The following ATP1A2 variants were observed in gnomAD, a reference collection of about 807,000 sequenced individuals.
ATP1A2 encodes the protein ATPase Na+/K+ transporting subunit alpha 2.
Under a neutral mutation model 113.1 loss-of-function variants are expected in ATP1A2, and 56 were observed. The ratio of observed to expected loss-of-function variants is 0.49; its 90% confidence interval spans 0.40 to 0.62. The LOEUF (loss-of-function observed/expected upper bound fraction) is 0.62. Among genes scored for constraint, ATP1A2 ranks in the 20% least tolerant of loss-of-function variants. ATP1A2 has a pLI of 0.00. For missense variants in ATP1A2, 712 were observed against 1,357.8 expected, an observed-to-expected ratio of 0.52 and a Z score of 7.47; for synonymous variants, 490 against 526.8, an observed-to-expected ratio of 0.93 and a Z score of 0.96.
rs763511474 is a variant in ATP1A2 at position 160,143,068 on chromosome 1, G to A, written c.*1746G>A. ...AGAGACCTAGATAGGTCATGCAAGT[G>A]AGAAAGACATCTGAGGAAAATGGAA... On this transcript the variant is annotated 3_prime_UTR_variant, in exon 23 of 23. Coordinates refer to ENST00000361216, the MANE Select transcript of ATP1A2 (RefSeq NM_000702.4). The A allele has an allele frequency of 6.6e-6, 1 of 152,274 alleles. No individual in the cohort carries two copies. Among genetic ancestry groups the A allele is most frequent in the Non-Finnish European group, 1.5e-5 (1 of 68,078 alleles). The allele number at this position is 152,274 out of a possible 1,614,324, so 9.4% of individuals were successfully genotyped here.
chr1:160,124,396 C>T lies in ATP1A2; in HGVS notation c.596C>T (p.Ala199Val), dbSNP rs1276000993. Residue 199 changes from alanine (A) to valine (V), a missense_variant, in exon 6 of 23, where the codon GCT becomes GTT. Coordinates refer to ENST00000361216, the MANE Select transcript of ATP1A2 (RefSeq NM_000702.4). Reference protein sequence around the residue: ...VEVKGGDRVPADLRIISSHGC... With the variant: ...VEVKGGDRVPVDLRIISSHGC... ...GTGAAGGGTGGAGACCGCGTCCCTGCTGACCTCCGGATCATCTCTTCTCAT... is the reference window on the plus strand; with the variant it reads ...GTGAAGGGTGGAGACCGCGTCCCTGTTGACCTCCGGATCATCTCTTCTCAT... 6.2e-7 allele frequency: 1 copy of T among 1,611,898 alleles called. No homozygotes were observed. Among genetic ancestry groups the T allele is most frequent in the South Asian group, 1.1e-5 (1 of 90,562 alleles).
intron 22 of ATP1A2, 149 bp from the exon 23 acceptor site, chr1:160,141,145 C>G: frequency 1.1e-6 from 1 of 919,408 alleles, no homozygotes; most frequent in Non-Finnish European, 1.7e-6. Flanking sequence ...TGCACCCAGC[C>G]TCCTTCCACC....
In ATP1A2 at chr1:160,135,589, G is replaced by C. The variant is rs202094576; in HGVS notation, c.2271G>C (p.Thr757=). 6.2e-7 allele frequency: 1 copy of C among 1,613,950 alleles called. No individual in the cohort carries two copies. The highest frequency in any genetic ancestry group is 8.5e-7 in the Non-Finnish European group (1 of 1,179,982). Residue 757 remains threonine, a synonymous_variant, in exon 16 of 23, where the codon ACG becomes ACC. Coordinates refer to ENST00000361216, the MANE Select transcript of ATP1A2 (RefSeq NM_000702.4). This position sits in a 1 kb window ranked among gnomAD's most constrained non-coding sequence, Gnocchi z 6.3. ...ATGACAACTTTGCCTCCATCGTCAC[G>C]GGGGTGGAGGAGGGTGAGGAGGCTG... is the stretch of plus-strand genomic sequence containing the variant. ...LLDDNFASIV[T]GVEEGRLIFD... is the part of the protein sequence containing the mutation.
chr1:160,138,793 A>G (rs1330960430), intron 20 of ATP1A2, among the ~76,000 whole-genome samples: 1 of 152,046 alleles, frequency 6.6e-6, no homozygotes, highest in East Asian at 1.9e-4. Flanking sequence ...GTGAGCTGTG[A>G]TCGTCCAGCC....
intron 3 of ATP1A2, among the ~76,000 whole-genome samples, chr1:160,121,592 A>G (rs1423717709): frequency 6.6e-6 from 1 of 152,236 alleles, no homozygotes; most frequent in Non-Finnish European, 1.5e-5. Flanking sequence ...GCTGATGCAC[A>G]TGGGCTGACA....
chr1:160,141,476 T>G lies in ATP1A2; in HGVS notation c.*154T>G. 4.2e-6 allele frequency: 4 copies of G among 956,648 alleles called. No individual in the cohort carries two copies. Among genetic ancestry groups the G allele is most frequent in the Non-Finnish European group, 6.6e-6 (4 of 605,578 alleles). The allele number at this position is 956,648 out of a possible 1,614,324, so 59.3% of individuals were successfully genotyped here. On this transcript the variant is annotated 3_prime_UTR_variant, in exon 23 of 23. Transcript: ENST00000361216. ...ACTCAGCAGGCTAAGTTGCGGGGTA[T>G]ATAAATTGGGGTGATGACCCCATAG... is the stretch of plus-strand genomic sequence containing the variant.
intron 7 of ATP1A2, among the ~76,000 whole-genome samples, chr1:160,126,129 C>T (rs1168003816): frequency 6.6e-6 from 1 of 152,126 alleles, no homozygotes; most frequent in Non-Finnish European, 1.5e-5. Flanking sequence ...AATTCCACTG[C>T]TTGGAATCCA....
chr1:160,138,880 ACTG>A (rs1467755696), intron 20 of ATP1A2, among the ~76,000 whole-genome samples: 8 of 152,246 alleles, frequency 5.3e-5, no homozygotes, highest in Non-Finnish European at 1.2e-4. Context: ...CAGGTCTGTC[ACTG>A]AACATTTCAG....
Position 160,123,395 on chromosome 1 carries a change from G to A in ATP1A2, c.360G>A (p.Glu120=), listed in dbSNP as rs369061211. 2.0e-5 allele frequency: 32 copies of A among 1,614,194 alleles called. No individual in the cohort carries two copies. Among genetic ancestry groups the A allele is most frequent in the Non-Finnish European group, 2.5e-5 (30 of 1,180,038 alleles). ...CCTACGGCATCCAGGCTGCCATGGA[G>A]GATGAACCATCCAACGACAATGTGA... ...FLAYGIQAAM[E]DEPSNDNLYL... Residue 120 remains glutamate (E), a synonymous_variant, in exon 4 of 23, where the codon GAG becomes GAA. Coordinates refer to ENST00000361216, the MANE Select transcript of ATP1A2 (RefSeq NM_000702.4).
chr1:160,126,210 G>A (rs1011291368), intron 7 of ATP1A2, among the ~76,000 whole-genome samples: 4 of 151,950 alleles, frequency 2.6e-5, no homozygotes, highest in African/African-American at 2.4e-5. Context: ...ATATGAAATC[G>A]CATAATATTT....
In ATP1A2 at chr1:160,123,927, T is replaced by C; in HGVS notation, c.382-16T>C. On this transcript the variant is annotated splice_polypyrimidine_tract_variant and intron_variant, in intron 4 of 22. Coordinates refer to ENST00000361216, the MANE Select transcript of ATP1A2 (RefSeq NM_000702.4). ...GGGGGGAAGGTCAGGTCCCTGAAAC[T>C]CTTTCTCCTTACCAGCTATATCTGG... 1.2e-6 allele frequency: 2 copies of C among 1,613,540 alleles called. No individual in the cohort carries two copies. The highest frequency in any genetic ancestry group is 1.7e-6 in the Non-Finnish European group (2 of 1,179,522).
In ATP1A2 at chr1:160,135,020, G is replaced by A. The variant is rs1317958539; in HGVS notation, c.1965-125G>A. On this transcript the variant is annotated intron_variant, in intron 14 of 22. Coordinates refer to ENST00000361216, the MANE Select transcript of ATP1A2 (RefSeq NM_000702.4). This position sits in a 1 kb window ranked among gnomAD's most constrained non-coding sequence, Gnocchi z 6.3. Reference sequence around the variant, plus strand: ...AGTGAGTACTGAGGAGAGGAGAACTGAAGCAACAGGGGAAGCAGGCTCAGC... The same window carrying A: ...AGTGAGTACTGAGGAGAGGAGAACTAAAGCAACAGGGGAAGCAGGCTCAGC... 1 of 1,270,690 alleles carries A rather than the reference G, an allele frequency of 7.9e-7. No homozygotes were observed. The highest frequency in any genetic ancestry group is 1.9e-5 in the Admixed American group (1 of 51,626). The allele number at this position is 1,270,690 out of a possible 1,614,324, so 78.7% of individuals were successfully genotyped here.
At chr1:160,140,487 C>T (rs1652109045) in intron 22 of ATP1A2, among the ~76,000 whole-genome samples, 1 of 152,058 alleles carries the variant, frequency 6.6e-6, no homozygotes. Context: ...TCCAGGAATA[C>T]TGTTTGGTTT....
Position 160,135,121 on chromosome 1 carries a change from T to C in ATP1A2, c.1965-24T>C. 1 of 1,613,660 alleles carries C rather than the reference T, an allele frequency of 6.2e-7. No homozygotes were observed. Among genetic ancestry groups the C allele is most frequent in the Non-Finnish European group, 8.5e-7 (1 of 1,179,930 alleles). Reference sequence around the variant, plus strand: ...TGGTACAGGTGCCAGGGGTCAGCTGTCTCTGTCCCCACCCACCCTCCAGAG... The same window carrying C: ...TGGTACAGGTGCCAGGGGTCAGCTGCCTCTGTCCCCACCCACCCTCCAGAG... On this transcript the variant is annotated intron_variant, in intron 14 of 22. Transcript: ENST00000361216. This position sits in a 1 kb window ranked among gnomAD's most constrained non-coding sequence, Gnocchi z 6.3.
intron 20 of ATP1A2, among the ~76,000 whole-genome samples, chr1:160,137,596 G>T (rs1651996486): frequency 6.6e-6 from 1 of 152,190 alleles, no homozygotes; most frequent in South Asian, 2.1e-4. Context: ...AGGTCACCAA[G>T]ATGGTAAGGG....
At chr1:160,129,537 G>A in intron 11 of ATP1A2, 137 bp downstream of exon 11, 1 of 1,345,404 alleles carries the variant, frequency 7.4e-7, no homozygotes, top group Non-Finnish European at 1.0e-6. Context: ...AGTCCCCCAG[G>A]ACAGCTCATA....
At chr1:160,119,781 G>A (rs544314112) in intron 1 of ATP1A2, among the ~76,000 whole-genome samples, 3 of 151,514 alleles carry the variant, frequency 2.0e-5, no homozygotes, top group Admixed American at 6.6e-5. Context: ...GGAGGCCAAG[G>A]TGGGAGGATC....
At chr1:160,133,285 T>C (rs2101992955) in intron 13 of ATP1A2, among the ~76,000 whole-genome samples, 1 of 152,168 alleles carries the variant, frequency 6.6e-6, no homozygotes, top group East Asian at 1.9e-4. Context: ...AAAGACACTT[T>C]TCATTTTTCA....
intron 13 of ATP1A2, among the ~76,000 whole-genome samples, chr1:160,130,830 C>T (rs1278020327): frequency 6.6e-6 from 1 of 152,222 alleles, no homozygotes; most frequent in Non-Finnish European, 1.5e-5. Flanking sequence ...CTCCCTGGCA[C>T]AGCTCTTTGT....
Sources: gnomAD v4.1 joint callset for allele counts (sites outside exome capture counted in the v4.1 genomes callset) on GRCh38, gnomAD v4.1.1 for gene constraint, Gnocchi (gnomAD v3.1) non-coding constraint, MANE v1.5 for transcripts, NCBI Gene and HGNC (gene_info 2026-07-23, HGNC 2026-07-21) for gene names.